Variants in ERBB4 observed in about 807,000 individuals in gnomAD.
ERBB4 encodes the protein erb-b2 receptor tyrosine kinase 4.
In ERBB4, 42 loss-of-function variants were observed where a neutral mutation model predicts 158.0. The observed-to-expected ratio is 0.27, with a 90% CI of 0.21 to 0.34. The LOEUF (loss-of-function observed/expected upper bound fraction) is 0.34, where lower values mean the gene tolerates loss of function less well. Among genes scored for constraint, ERBB4 ranks in the 10% least tolerant of loss-of-function variants. The pLI is 1.00. For missense variants in ERBB4, 1,333 were observed against 1,624.1 expected (o/e 0.82, Z 3.08); for synonymous variants, 583 against 558.7 (o/e 1.04, Z -0.61).
At chr2:212,459,883 C>T (rs1474044118) in intron 1 of ERBB4, among the ~76,000 whole-genome samples, 3 of 152,082 alleles carry the variant, frequency 2.0e-5, no homozygotes, top group Non-Finnish European at 4.4e-5. Flanking sequence ...ACTGGATACC[C>T]ATATGGAAAA....
At chr2:211,531,201 G>T (rs2125662121) in intron 20 of ERBB4, among the ~76,000 whole-genome samples, 1 of 152,170 alleles carries the variant, frequency 6.6e-6, no homozygotes, top group East Asian at 1.9e-4. Context: ...AGACATCAAA[G>T]TATGAAACTA....
intron 16 of ERBB4, among the ~76,000 whole-genome samples, chr2:211,632,255 A>G (rs1368489358): frequency 6.6e-6 from 1 of 152,036 alleles, no homozygotes; most frequent in Non-Finnish European, 1.5e-5. Flanking sequence ...TCATTGTGAT[A>G]TGTTTTTGTT....
intron 1 of ERBB4, among the ~76,000 whole-genome samples, chr2:212,256,575 T>C (rs1470934190): frequency 6.6e-6 from 1 of 152,194 alleles, no homozygotes; most frequent in Admixed American, 6.5e-5. Flanking sequence ...ATTAAGGATC[T>C]GCACATATTA....
intron 16 of ERBB4, among the ~76,000 whole-genome samples, chr2:211,647,052 A>G (rs879449682): frequency 3.3e-5 from 5 of 151,680 alleles, no homozygotes; most frequent in African/African-American, 1.2e-4. Flanking sequence ...AGAATTTTAC[A>G]TAAACTCAAC....
At chr2:211,960,656 G>A (rs1454575167) in intron 2 of ERBB4, 2 of 152,030 alleles carry the variant, frequency 1.3e-5, no homozygotes, top group Non-Finnish European at 2.9e-5. Context: ...TCAGCAAATT[G>A]AGTGTCTTGT....
At chr2:211,960,053 A>G (rs2081140630) in intron 2 of ERBB4, among the ~76,000 whole-genome samples, 1 of 152,116 alleles carries the variant, frequency 6.6e-6, no homozygotes, top group South Asian at 2.1e-4. Flanking sequence ...GGAACAGACA[A>G]TTGCCTAAGT....
intron 3 of ERBB4, among the ~76,000 whole-genome samples, chr2:211,892,899 G>T (rs1452911975): frequency 6.3e-5 from 9 of 142,454 alleles, no homozygotes; most frequent in African/African-American, 1.7e-4. Context: ...CACTGCTCAA[G>T]GAAATAAAAG....
chr2:211,714,490 A>G (rs2073829997), intron 7 of ERBB4, among the ~76,000 whole-genome samples: 1 of 152,330 alleles, frequency 6.6e-6, no homozygotes, highest in South Asian at 2.1e-4. Flanking sequence ...GATGCAAGCA[A>G]TATTGCTACT....
chr2:212,315,626 T>C (rs2087238501), intron 1 of ERBB4, among the ~76,000 whole-genome samples: 2 of 151,428 alleles, frequency 1.3e-5, no homozygotes, highest in East Asian at 2.0e-4. Flanking sequence ...TCCGGAGCTA[T>C]ACAAATATCC....
chr2:212,079,420 T>C (rs1322891703), intron 2 of ERBB4, among the ~76,000 whole-genome samples: 2 of 152,226 alleles, frequency 1.3e-5, no homozygotes, highest in Non-Finnish European at 2.9e-5. Context: ...GTTGAGTTCC[T>C]AAGAAAGTAA....
chr2:212,431,937 T>C (rs766886476), intron 1 of ERBB4, among the ~76,000 whole-genome samples: 12 of 152,338 alleles, frequency 7.9e-5, no homozygotes, highest in Admixed American at 3.3e-4. Context: ...ATAATACTTA[T>C]AGTCTAGGCT....
At chr2:212,058,810 T>C (rs2077665480) in intron 2 of ERBB4, among the ~76,000 whole-genome samples, 1 of 152,198 alleles carries the variant, frequency 6.6e-6, no homozygotes, top group Non-Finnish European at 1.5e-5. Context: ...AAGAGCTTTT[T>C]ATGACAAACC....
At chr2:211,386,194 A>G (rs2062681416) in intron 27 of ERBB4, among the ~76,000 whole-genome samples, 1 of 152,168 alleles carries the variant, frequency 6.6e-6, no homozygotes, top group Non-Finnish European at 1.5e-5. Context: ...GCAAAATTGA[A>G]GCATTATTTG....
At chr2:212,354,623 G>C (rs1357024355) in intron 1 of ERBB4, among the ~76,000 whole-genome samples, 1 of 152,078 alleles carries the variant, frequency 6.6e-6, no homozygotes, top group Non-Finnish European at 1.5e-5. Context: ...CTTTAGACCT[G>C]ACTTCCAAAT....
chr2:211,955,593 T>C (rs908430466), intron 2 of ERBB4, among the ~76,000 whole-genome samples: 2 of 152,144 alleles, frequency 1.3e-5, no homozygotes, highest in Non-Finnish European at 2.9e-5. Flanking sequence ...CTAATTAGTA[T>C]ATAAACAAAC....
At chr2:211,759,745 TA>T (rs1350522019) in intron 4 of ERBB4, among the ~76,000 whole-genome samples, 1 of 152,122 alleles carries the variant, frequency 6.6e-6, no homozygotes, top group Non-Finnish European at 1.5e-5. Flanking sequence ...GTATAATGCA[TA>T]AAAACATGAA....
intron 4 of ERBB4, among the ~76,000 whole-genome samples, chr2:211,760,469 G>A (rs1375578024): frequency 6.6e-6 from 1 of 152,160 alleles, no homozygotes; most frequent in Non-Finnish European, 1.5e-5. Flanking sequence ...AGAACTTGGT[G>A]GAAGGAACAA....
At chr2:211,440,234 T>C (rs2063943589) in intron 20 of ERBB4, among the ~76,000 whole-genome samples, 1 of 152,194 alleles carries the variant, frequency 6.6e-6, no homozygotes, top group African/African-American at 2.4e-5. Context: ...AATCATGTAG[T>C]GTCCGAACTC....
chr2:212,523,643 A>G (rs112951444), intron 1 of ERBB4, among the ~76,000 whole-genome samples: 1 of 152,012 alleles, frequency 6.6e-6, no homozygotes, highest in Non-Finnish European at 1.5e-5. Context: ...ATGGGTGGGA[A>G]TCCTAGCCAT....
Sources: gnomAD v4.1 joint callset for allele counts (sites outside exome capture counted in the v4.1 genomes callset) on GRCh38, gnomAD v4.1.1 for gene constraint, MANE v1.5 for transcripts, NCBI Gene and HGNC (gene_info 2026-07-23, HGNC 2026-07-21) for gene names.